PROC: variants seen among roughly 807,000 people sequenced by gnomAD.
PROC encodes the protein vitamin K-dependent protein C.
Under a neutral mutation model 36.3 loss-of-function variants are expected in PROC, and 22 were observed. The observed-to-expected ratio is 0.61, with a 90% CI of 0.43 to 0.86. The LOEUF is 0.86. Ranked by LOEUF, PROC falls within the 40% of genes least tolerant of loss-of-function variation. The pLI is 0.00. For synonymous variants in PROC, 218 were observed against 244.5 expected (o/e 0.89, Z 1.01); for missense variants, 526 against 629.7 (o/e 0.84, Z 1.76).
intron 8 of PROC, 85 bp from the exon 9 acceptor site, chr2:127,428,272 G>C (rs1688654172): frequency 3.7e-6 from 5 of 1,335,758 alleles, no homozygotes; most frequent in Non-Finnish European, 3.2e-6. Context: ...GGCCTGCAGG[G>C]GCACAGCAGT....
Position 127,418,725 on chromosome 2 carries a change from C to G in PROC, c.-22+233C>G, listed in dbSNP as rs1462003862. Among the ~76,000 whole-genome samples, 1 of 152,196 alleles carries G rather than the reference C, an allele frequency of 6.6e-6. No homozygotes were observed. The highest frequency in any genetic ancestry group is 1.5e-5 in the Non-Finnish European group (1 of 68,026). ...GCCAAGGGTCCCCAGGGCCCAGGGC[C>G]ATTCCAACAGACAGTTTGGAGCCCA... On this transcript the variant is annotated intron_variant, in intron 1 of 8. Coordinates refer to ENST00000234071, the MANE Select transcript of PROC (RefSeq NM_000312.4). The surrounding 1 kb of genome is among the most constrained non-coding windows in gnomAD (Gnocchi z 4.8).
chr2:127,426,595 CACTT>C lies in PROC; in HGVS notation c.678+372_678+375del. 2 of 368,146 alleles carry C rather than the reference CACTT, an allele frequency of 5.4e-6. No homozygotes were observed. The highest frequency in any genetic ancestry group is 1.0e-5 in the Non-Finnish European group (2 of 193,276). 22.8% of individuals were successfully genotyped at this position (368,146 alleles called of 1,614,324 possible). ...CCTCCAGCCTCCACATGGGAACTGA[CACTT>C]ACTGGGTTCCCCTCTCTGCCAGGCA... is the stretch of plus-strand genomic sequence containing the variant. On this transcript the variant is annotated intron_variant, in intron 7 of 8. Coordinates refer to ENST00000234071, the MANE Select transcript of PROC (RefSeq NM_000312.4). The surrounding 1 kb of genome is among the most constrained non-coding windows in gnomAD (Gnocchi z 7.0).
intron 1 of PROC, chr2:127,419,605 C>T (rs1198558895): frequency 6.9e-6 from 3 of 433,914 alleles, no homozygotes; most frequent in Non-Finnish European, 8.6e-6. Context: ...TCAACGTTAG[C>T]TAATATTCTC....
In PROC at chr2:127,427,153, A is replaced by T; in HGVS notation, c.727A>T (p.Ile243Phe). Residue 243 changes from isoleucine to phenylalanine, a missense_variant, in exon 8 of 9, where the codon ATC becomes TTC. Coordinates refer to ENST00000234071, the MANE Select transcript of PROC (RefSeq NM_000312.4). ...GAAGCTGGCCTGCGGGGCAGTGCTCATCCACCCCTCCTGGGTGCTGACAGC... is the reference window on the plus strand; with the variant it reads ...GAAGCTGGCCTGCGGGGCAGTGCTCTTCCACCCCTCCTGGGTGCTGACAGC... ...KKKLACGAVLIHPSWVLTAAH... is the reference protein window; with the variant it reads ...KKKLACGAVLFHPSWVLTAAH... 1 of 1,613,812 alleles carries T rather than the reference A, an allele frequency of 6.2e-7. No homozygotes were observed. Among genetic ancestry groups the T allele is most frequent in the African/African-American group, 1.3e-5 (1 of 75,050 alleles).
intron 6 of PROC, among the ~76,000 whole-genome samples, chr2:127,423,872 A>G (rs1482483260): frequency 6.6e-6 from 1 of 152,172 alleles, no homozygotes; most frequent in Non-Finnish European, 1.5e-5. Context: ...CTTCTTCTAT[A>G]TTTTCCTTTT....
Position 127,426,484 on chromosome 2 carries a change from G to A in PROC, c.678+257G>A. 1 of 543,476 alleles carries A rather than the reference G, an allele frequency of 1.8e-6. No individual in the cohort carries two copies. Among genetic ancestry groups the A allele is most frequent in the Non-Finnish European group, 3.3e-6 (1 of 303,242 alleles). The allele number at this position is 543,476 out of a possible 1,614,324, so 33.7% of individuals were successfully genotyped here. On this transcript the variant is annotated intron_variant, in intron 7 of 8. Coordinates refer to ENST00000234071, the MANE Select transcript of PROC (RefSeq NM_000312.4). This position sits in a 1 kb window ranked among gnomAD's most constrained non-coding sequence, Gnocchi z 7.0. Reference sequence around the variant, plus strand: ...AGGGTTACAGTTTCTAAAAAGAGCTGGAAAGACACTGCTCTGCTGGCGGGA... The same window carrying A: ...AGGGTTACAGTTTCTAAAAAGAGCTAGAAAGACACTGCTCTGCTGGCGGGA...
chr2:127,424,009 C>G (rs930206524), intron 6 of PROC, among the ~76,000 whole-genome samples: 3 of 152,000 alleles, frequency 2.0e-5, no homozygotes, highest in African/African-American at 4.8e-5. Context: ...AAAGGTGGAC[C>G]CTTTTAATGT....
At chr2:127,420,698 G>A (rs1323390688) in intron 2 of PROC, among the ~76,000 whole-genome samples, 1 of 152,024 alleles carries the variant, frequency 6.6e-6, no homozygotes, top group Non-Finnish European at 1.5e-5. Flanking sequence ...ACTTCACAGA[G>A]CCCAGGAGAC....
chr2:127,425,316 C>T (rs550320262), intron 6 of PROC, among the ~76,000 whole-genome samples: 2 of 152,324 alleles, frequency 1.3e-5, no homozygotes, highest in South Asian at 4.1e-4. Flanking sequence ...CCTTTCCATT[C>T]TTTTGTTATG....
At chr2:127,423,763 T>G in intron 6 of PROC, 1 of 294,594 alleles carries the variant, frequency 3.4e-6, no homozygotes, top group Non-Finnish European at 6.3e-6. Context: ...CTCCTCCATG[T>G]AGCCTGGCTG....
chr2:127,418,448 T>C lies in PROC; in HGVS notation c.-66T>C, dbSNP rs1402403421. The C allele has an allele frequency of 1.6e-6, 2 of 1,289,664 alleles. No individual in the cohort carries two copies. Among genetic ancestry groups the C allele is most frequent in the African/African-American group, 3.0e-5 (2 of 65,842 alleles). 79.9% of individuals were successfully genotyped at this position (1,289,664 alleles called of 1,614,324 possible). A position where few individuals can be genotyped will look rare whatever the true frequency, so the allele number is the denominator to read the frequency against. Reference sequence around the variant, plus strand: ...GATTAACTCGAACTCCAGGCTGTCATGGCGGCAGGACGGCGAACTTGCAGT... The same window carrying C: ...GATTAACTCGAACTCCAGGCTGTCACGGCGGCAGGACGGCGAACTTGCAGT... On this transcript the variant is annotated 5_prime_UTR_variant, in exon 1 of 9. It removes an upstream start codon present in the reference 5' UTR. Transcript: ENST00000234071. This position sits in a 1 kb window ranked among gnomAD's most constrained non-coding sequence, Gnocchi z 4.8.
intron 4 of PROC, 32 bp downstream of exon 4, chr2:127,422,973 C>G: frequency 6.8e-6 from 11 of 1,611,246 alleles, no homozygotes; most frequent in Non-Finnish European, 8.5e-6. Context: ...GGCTGGACTA[C>G]CGGCGCCCGC....
At position 127,418,505 on chromosome 2, in the gene PROC, C is replaced by G. The variant is rs1029465095; in HGVS notation, c.-22+13C>G. Reference sequence around the variant, plus strand: ...ACGACCCGCCCCTGTGAGTCCCCCTCCAGGCAGGTCTATGAGGGGTGTGGA... The same window carrying G: ...ACGACCCGCCCCTGTGAGTCCCCCTGCAGGCAGGTCTATGAGGGGTGTGGA... On this transcript the variant is annotated intron_variant, in intron 1 of 8. Coordinates refer to ENST00000234071, the MANE Select transcript of PROC (RefSeq NM_000312.4). This position sits in a 1 kb window ranked among gnomAD's most constrained non-coding sequence, Gnocchi z 4.8. 1.6e-6 allele frequency: 2 copies of G among 1,289,654 alleles called. No individual in the cohort carries two copies. Among genetic ancestry groups the G allele is most frequent in the Non-Finnish European group, 2.0e-6 (2 of 988,826 alleles). The allele number at this position is 1,289,654 out of a possible 1,614,324, so 79.9% of individuals were successfully genotyped here.
chr2:127,427,995 T>A (rs928951287), intron 8 of PROC, among the ~76,000 whole-genome samples: 3 of 152,186 alleles, frequency 2.0e-5, no homozygotes, highest in African/African-American at 7.2e-5. Flanking sequence ...TTGCTCCACG[T>A]TCCTTTGTGG....
At chr2:127,422,590 G>A (rs1305524127) in intron 3 of PROC, among the ~76,000 whole-genome samples, 1 of 152,266 alleles carries the variant, frequency 6.6e-6, no homozygotes, top group Non-Finnish European at 1.5e-5. Context: ...GAAGGAGGCC[G>A]AGTGACTTGG....
intron 8 of PROC, 107 bp from the exon 9 acceptor site, chr2:127,428,250 G>A (rs767876159): frequency 7.2e-6 from 8 of 1,114,800 alleles, no homozygotes; most frequent in Non-Finnish European, 1.1e-5. Context: ...CCTTCTTCAG[G>A]CCCTCTGCCC....
At chr2:127,424,324 C>A (rs987049959) in intron 6 of PROC, among the ~76,000 whole-genome samples, 2 of 152,112 alleles carry the variant, frequency 1.3e-5, no homozygotes, top group East Asian at 3.9e-4. Context: ...CGCAGCCTCC[C>A]GAGTAGCTGG....
At chr2:127,422,833 G>C in intron 3 of PROC, 84 bp from the exon 4 acceptor site, 2 of 1,495,626 alleles carry the variant, frequency 1.3e-6, no homozygotes, top group Non-Finnish European at 1.8e-6. Context: ...TCCCCTGCCC[G>C]CTCACCCGCT....
Position 127,418,493 on chromosome 2 carries a change from G to C in PROC, c.-22+1G>C. 1.6e-6 allele frequency: 2 copies of C among 1,289,800 alleles called. No individual in the cohort carries two copies. Among genetic ancestry groups the C allele is most frequent in the Non-Finnish European group, 1.0e-6 (1 of 988,832 alleles). 79.9% of individuals were successfully genotyped at this position (1,289,800 alleles called of 1,614,324 possible). ...TGCAGTATCTCCACGACCCGCCCCT[G>C]TGAGTCCCCCTCCAGGCAGGTCTAT... On this transcript the variant is annotated splice_donor_variant, in intron 1 of 8. Coordinates refer to ENST00000234071, the MANE Select transcript of PROC (RefSeq NM_000312.4). LOFTEE classifies it low-confidence loss of function (5UTR_SPLICE). The surrounding 1 kb of genome is among the most constrained non-coding windows in gnomAD (Gnocchi z 4.8).
Sources: gnomAD v4.1 joint callset for allele counts (sites outside exome capture counted in the v4.1 genomes callset) on GRCh38, gnomAD v4.1.1 for gene constraint, Gnocchi (gnomAD v3.1) non-coding constraint, MANE v1.5 for transcripts, NCBI Gene and HGNC (gene_info 2026-07-23, HGNC 2026-07-21) for gene names.